The following TANC2 variants were observed in gnomAD, a reference collection of about 807,000 sequenced individuals.
TANC2 encodes the protein tetratricopeptide repeat, ankyrin repeat and coiled-coil containing 2, also known as protein TANC2.
A neutral mutation model predicts 210.5 loss-of-function variants in TANC2; 26 were observed. The observed-to-expected ratio is 0.12, with a 90% CI of 0.09 to 0.17. The LOEUF is 0.17. TANC2 is among the 10% of genes least tolerant of loss of function. The probability of loss-of-function intolerance (pLI) is 1.00; values close to 1 mark genes in which losing one functional copy is unlikely to be tolerated. For synonymous variants in TANC2, 931 were observed against 967.1 expected, an observed-to-expected ratio of 0.96 and a Z score of 0.69; for missense variants, 2,129 against 2,608.9, an observed-to-expected ratio of 0.82 and a Z score of 4.01.
intron 8 of TANC2, 57 bp downstream of exon 8, chr17:63,238,134 G>C: frequency 6.9e-7 from 1 of 1,452,422 alleles, no homozygotes; most frequent in Non-Finnish European, 9.0e-7. Context: ...TTTTACTCCA[G>C]TATATATTGA....
intron 7 of TANC2, among the ~76,000 whole-genome samples, chr17:63,209,740 A>G (rs1445214955): frequency 6.6e-6 from 1 of 152,176 alleles, no homozygotes; most frequent in Admixed American, 6.6e-5. Context: ...GGCTAAAGGA[A>G]TGCTTTCAGT....
intron 12 of TANC2, among the ~76,000 whole-genome samples, chr17:63,342,306 C>T (rs1377132028): frequency 6.6e-6 from 1 of 151,974 alleles, no homozygotes; most frequent in Admixed American, 6.6e-5. Context: ...GTACTTATCC[C>T]TTTGAGTAAA....
intron 2 of TANC2, among the ~76,000 whole-genome samples, chr17:63,010,884 A>G (rs565747384): frequency 3.9e-4 from 59 of 152,282 alleles, no homozygotes; most frequent in African/African-American, 1.1e-3. Flanking sequence ...CGCCTTCTCA[A>G]CATCTTCCAT....
At chr17:63,373,729 C>T (rs983585898) in intron 14 of TANC2, among the ~76,000 whole-genome samples, 1 of 152,030 alleles carries the variant, frequency 6.6e-6, no homozygotes, top group Non-Finnish European at 1.5e-5. Context: ...GCCTGTAATC[C>T]CAACAGTTTG....
chr17:62,984,701 A>AT, intron 1 of TANC2, among the ~76,000 whole-genome samples: 1 of 151,784 alleles, frequency 6.6e-6, no homozygotes. Context: ...TTTAATTCTT[A>AT]TTTTTTTCCT....
chr17:63,088,470 T>C (rs551768565), intron 3 of TANC2: 1 of 152,240 alleles, frequency 6.6e-6, no homozygotes, highest in Admixed American at 6.5e-5. Context: ...CTCAAGACTT[T>C]CCTGAATTCA....
chr17:63,276,269 C>T (rs984377319), intron 9 of TANC2, among the ~76,000 whole-genome samples: 1 of 152,030 alleles, frequency 6.6e-6, no homozygotes, highest in South Asian at 2.1e-4. Flanking sequence ...TTAAAATACC[C>T]AGTTTTTATA....
At chr17:63,106,569 G>A (rs1396363787) in intron 4 of TANC2, among the ~76,000 whole-genome samples, 2 of 151,532 alleles carry the variant, frequency 1.3e-5, no homozygotes, top group Non-Finnish European at 2.9e-5. Context: ...CTACAACTGG[G>A]CCAGGAGGCG....
rs146567360 is a variant in TANC2, at chr17:63,268,990, C to T, written c.1159+1117C>T. ...ATTTTATCTTACGGATGATTTTCATCTTTCTTTAGCTCTCCTCTTCACCCC... is the reference window on the plus strand; with the variant it reads ...ATTTTATCTTACGGATGATTTTCATTTTTCTTTAGCTCTCCTCTTCACCCC... On this transcript the variant is annotated intron_variant, in intron 9 of 27. Coordinates refer to ENST00000689528, the Ensembl canonical transcript of TANC2. 5.5e-3 allele frequency among the ~76,000 whole-genome samples: 830 copies of T among 152,236 alleles called. 6 individuals are homozygous for T. The highest frequency in any genetic ancestry group is 7.2e-3 in the Non-Finnish European group (487 of 68,002).
rs1347897187 is a variant in TANC2 at position 62,966,942 on chromosome 17, G to A, written c.-24+193G>A. On this transcript the variant is annotated intron_variant, in intron 1 of 27. Coordinates refer to ENST00000689528, the Ensembl canonical transcript of TANC2. This position sits in a 1 kb window ranked among gnomAD's most constrained non-coding sequence, Gnocchi z 5.1. ...ACACCAAGGCGGGCTTCAGAGGCGT[G>A]TGGGGTCGCCACTTGGCTGTCACCG... The A allele has an allele frequency of 2.0e-5, 3 of 152,278 alleles. No individual in the cohort carries two copies. Among genetic ancestry groups the A allele is most frequent in the Admixed American group, 1.3e-4 (2 of 15,280 alleles). 9.4% of individuals were successfully genotyped at this position (152,278 alleles called of 1,614,324 possible).
At chr17:63,204,817 G>T (rs1291594931) in intron 7 of TANC2, among the ~76,000 whole-genome samples, 3 of 152,156 alleles carry the variant, frequency 2.0e-5, no homozygotes, top group Non-Finnish European at 4.4e-5. Flanking sequence ...AGGTGCAGTG[G>T]CTCATGCCTG....
At chr17:63,071,042 C>G (rs189391838) in intron 2 of TANC2, among the ~76,000 whole-genome samples, 15 of 152,292 alleles carry the variant, frequency 9.8e-5, no homozygotes, top group Non-Finnish European at 1.8e-4. Flanking sequence ...GTGTCATGAG[C>G]ATTGACCTTT....
intron 14 of TANC2, among the ~76,000 whole-genome samples, chr17:63,356,867 G>A (rs980201266): frequency 3.3e-5 from 5 of 152,176 alleles, no homozygotes; most frequent in African/African-American, 1.2e-4. Context: ...ATAGTACAGA[G>A]TAAAAGAAAC....
chr17:63,006,433 T>A lies in TANC2; in HGVS notation c.-23-3104T>A, dbSNP rs201022394. On this transcript the variant is annotated intron_variant, in intron 1 of 27. Transcript: ENST00000689528. Reference sequence around the variant, plus strand: ...CTTTAAAATCATTGCTTTAGTTTTATCCTATGAGTTCCCATAAGTCATTTT... The same window carrying A: ...CTTTAAAATCATTGCTTTAGTTTTAACCTATGAGTTCCCATAAGTCATTTT... 1.1e-4 allele frequency among the ~76,000 whole-genome samples: 17 copies of A among 152,280 alleles called. No individual in the cohort carries two copies. The East Asian group carries it at 3.3e-3, about 29-fold the overall frequency.
chr17:63,133,504 A>G (rs1567751711), intron 4 of TANC2, among the ~76,000 whole-genome samples: 1 of 152,188 alleles, frequency 6.6e-6, no homozygotes. Flanking sequence ...ACCTTCCATA[A>G]TTCTTTTTGT....
chr17:62,984,267 A>G (rs964785293), intron 1 of TANC2, among the ~76,000 whole-genome samples: 2 of 152,068 alleles, frequency 1.3e-5, no homozygotes, highest in African/African-American at 4.8e-5. Context: ...ATTGACATAT[A>G]TTCATAGTAG....
In TANC2 at chr17:63,078,810, A is replaced by G. The variant is rs148264971; in HGVS notation, c.139+4796A>G. Among the ~76,000 whole-genome samples, 374 of 152,280 alleles carry G rather than the reference A, an allele frequency of 2.5e-3. 1 individual carries two copies. The highest frequency in any genetic ancestry group is 4.4e-3 in the Non-Finnish European group (299 of 68,012). ...TAAGACTTGTTTTATGGCCCAGGAA[A>G]TGATCTATTTTAATAACTGTTCTGT... On this transcript the variant is annotated intron_variant, in intron 3 of 27. Transcript: ENST00000689528.
intron 5 of TANC2, among the ~76,000 whole-genome samples, chr17:63,184,765 T>C (rs191428316): frequency 4.0e-4 from 61 of 151,926 alleles, no homozygotes; most frequent in East Asian, 3.9e-4. Context: ...GCTATTCTCA[T>C]GTTTCAGCCT....
intron 7 of TANC2, among the ~76,000 whole-genome samples, chr17:63,218,386 G>A (rs1488041951): frequency 6.6e-6 from 1 of 152,102 alleles, no homozygotes. Flanking sequence ...GTAAAAACCT[G>A]GATGCTTTCC....
Sources: allele counts gnomAD v4.1 joint callset (sites outside exome capture counted in the v4.1 genomes callset), GRCh38; gene constraint gnomAD v4.1.1; non-coding constraint Gnocchi (gnomAD v3.1); transcripts MANE v1.5; gene names NCBI Gene and HGNC (gene_info 2026-07-23, HGNC 2026-07-21).